RTTN: variants seen among roughly 807,000 people sequenced by gnomAD.
RTTN encodes rotatin.
RTTN carries 182 observed loss-of-function variants against 269.2 expected under a neutral mutation model. The observed-to-expected ratio is 0.68, with a 90% CI of 0.60 to 0.76. The LOEUF (loss-of-function observed/expected upper bound fraction) is 0.76, where lower values mean the gene tolerates loss of function less well. Among genes scored for constraint, RTTN ranks in the 30% least tolerant of loss-of-function variants. RTTN has a pLI of 0.00. For synonymous variants in RTTN, 1,006 were observed against 963.5 expected, an observed-to-expected ratio of 1.04 and a Z score of -0.82; for missense variants, 2,545 against 2,608.6, an observed-to-expected ratio of 0.98 and a Z score of 0.53.
At position 70,076,284 on chromosome 18, in the gene RTTN, G is replaced by T. The variant is rs367577839; in HGVS notation, c.4375-743C>A. Among the ~76,000 whole-genome samples, 3 of 152,028 alleles carry T rather than the reference G, an allele frequency of 2.0e-5. 1 individual carries two copies. The highest frequency in any genetic ancestry group is 6.6e-5 in the Admixed American group (1 of 15,234). ...TAAATATTTCTATTTTCTGGGAAAT[G>T]ATAATAAAGTTAAGATTTCAAAACA... On this transcript the variant is annotated intron_variant, in intron 32 of 48. Coordinates refer to ENST00000640769, the MANE Select transcript of RTTN (RefSeq NM_173630.4).
At chr18:70,056,010 C>T (rs184250970) in intron 37 of RTTN, among the ~76,000 whole-genome samples, 63 of 152,322 alleles carry the variant, frequency 4.1e-4, no homozygotes, top group Non-Finnish European at 8.4e-4. Flanking sequence ...CCCTTTCTGA[C>T]ACACCCTTTT....
rs764989439 is a variant in RTTN at position 70,205,149 on chromosome 18, G to A, written c.198C>T (p.Asn66=). ...CTACCTTAACCAATCTGCTTAACAG[G>A]TTCAGAACCTCTTCCTTCATCGGAA... ...PSVPMKEEVL[N]LLSRLVKYPP... The change falls in exon 2 of 49, where the codon AAC becomes AAT. Residue 66 remains asparagine (N), a synonymous_variant. Coordinates refer to ENST00000640769, the MANE Select transcript of RTTN (RefSeq NM_173630.4). The A allele has an allele frequency of 2.3e-5, 37 of 1,614,046 alleles. No homozygotes were observed. The highest frequency in any genetic ancestry group is 5.1e-6 in the Non-Finnish European group (6 of 1,180,038).
At chr18:70,176,205 ATAT>A (rs1302849123) in intron 11 of RTTN, among the ~76,000 whole-genome samples, 1,346 of 17,830 alleles carry the variant, frequency 0.075, 5 homozygotes, top group Middle Eastern at 0.14. Flanking sequence ...ATGTAGATGT[ATAT>A]GTATATGTAT....
At chr18:70,023,708 A>T (rs540703823) in intron 44 of RTTN, among the ~76,000 whole-genome samples, 1 of 152,098 alleles carries the variant, frequency 6.6e-6, no homozygotes, top group East Asian at 1.9e-4. Flanking sequence ...CCACCATTAT[A>T]TCTCCATGAC....
chr18:70,109,768 T>C (rs1425511690), intron 27 of RTTN, 51 bp from the exon 28 acceptor site: 1 of 1,422,344 alleles, frequency 7.0e-7, no homozygotes, highest in South Asian at 1.2e-5. Context: ...ATAATGGGCT[T>C]AATGGGCTAT....
intron 28 of RTTN, among the ~76,000 whole-genome samples, chr18:70,102,550 T>C (rs938435828): frequency 2.0e-5 from 3 of 152,210 alleles, no homozygotes; most frequent in African/African-American, 4.8e-5. Context: ...ATCTTTTAAT[T>C]GGAGCATTTA....
chr18:70,041,720 C>A (rs1164222677), intron 40 of RTTN, among the ~76,000 whole-genome samples: 1 of 152,138 alleles, frequency 6.6e-6, no homozygotes, highest in Non-Finnish European at 1.5e-5. Flanking sequence ...TCTGAACTGG[C>A]AGAGACAGGA....
intron 10 of RTTN, among the ~76,000 whole-genome samples, chr18:70,187,628 A>G (rs2061577030): frequency 6.6e-6 from 1 of 152,192 alleles, no homozygotes; most frequent in Admixed American, 6.5e-5. Flanking sequence ...CTGCCAGGAA[A>G]TCTTGAACTT....
intron 8 of RTTN, among the ~76,000 whole-genome samples, chr18:70,192,724 A>G (rs1404677130): frequency 1.3e-5 from 2 of 150,554 alleles, no homozygotes; most frequent in Non-Finnish European, 2.9e-5. Flanking sequence ...CAAATACCAT[A>G]AATTGTTCAC....
intron 42 of RTTN, 32 bp downstream of exon 42, chr18:70,029,980 T>C (rs774922618): frequency 1.4e-6 from 2 of 1,473,144 alleles, no homozygotes; most frequent in South Asian, 1.1e-5. Flanking sequence ...ATGGTCTCTA[T>C]ATATAGCCAT....
At chr18:70,064,982 TAAG>T (rs971317545) in intron 35 of RTTN, among the ~76,000 whole-genome samples, 1 of 152,236 alleles carries the variant, frequency 6.6e-6, no homozygotes, top group African/African-American at 2.4e-5. Context: ...CTTTTGTTCT[TAAG>T]AAGATCAAAT....
intron 9 of RTTN, 116 bp downstream of exon 9, chr18:70,190,422 G>C (rs2146091307): frequency 3.3e-6 from 2 of 610,294 alleles, no homozygotes; most frequent in East Asian, 5.7e-5. Flanking sequence ...TATCCCAAAA[G>C]ATAAGTAAAT....
intron 28 of RTTN, among the ~76,000 whole-genome samples, chr18:70,103,773 A>AG (rs1599562531): frequency 6.6e-6 from 1 of 150,982 alleles, no homozygotes; most frequent in East Asian, 1.9e-4. Context: ...AAAAAAAAAA[A>AG]AAAAAGCAAA....
Position 70,150,009 on chromosome 18 carries a change from A to G in RTTN, c.2134T>C (p.Phe712Leu). 6.2e-7 allele frequency: 1 copy of G among 1,613,166 alleles called. No individual in the cohort carries two copies. Among genetic ancestry groups the G allele is most frequent in the Non-Finnish European group, 8.5e-7 (1 of 1,179,266 alleles). ...LMMTALTWNKFIESLCPVIPI... is the reference protein window; with the variant it reads ...LMMTALTWNKLIESLCPVIPI... ...ATGACAGGACAGAGAGATTCAATAAACTTGTTCCAGGTCAATGCTGTCATC... is the reference window on the plus strand; with the variant it reads ...ATGACAGGACAGAGAGATTCAATAAGCTTGTTCCAGGTCAATGCTGTCATC... The change falls in exon 16 of 49, where the codon TTT becomes CTT. Residue 712 changes from phenylalanine to leucine, a missense_variant. By Grantham distance (22) the Phe-to-Leu change is conservative. Coordinates refer to ENST00000640769, the MANE Select transcript of RTTN (RefSeq NM_173630.4).
chr18:70,104,174 G>A (rs28783424), intron 28 of RTTN, among the ~76,000 whole-genome samples: 2,953 of 152,218 alleles, frequency 0.019, 82 homozygotes, highest in African/African-American at 0.067. Context: ...TTTCTTGGAG[G>A]CTTTGTTTGT....
chr18:70,120,841 C>T (rs191813275), intron 26 of RTTN, among the ~76,000 whole-genome samples: 1,563 of 151,966 alleles, frequency 0.01, 10 homozygotes, highest in Non-Finnish European at 0.018. Context: ...ACCTGAGGTC[C>T]GGAGTTCAAG....
At chr18:70,043,121 G>T (rs1458147352) in intron 40 of RTTN, among the ~76,000 whole-genome samples, 3 of 152,232 alleles carry the variant, frequency 2.0e-5, no homozygotes, top group East Asian at 3.9e-4. Context: ...ATTGGGAAGA[G>T]ATTTCTTCCA....
At chr18:70,203,474 G>A (rs898916320) in intron 3 of RTTN, among the ~76,000 whole-genome samples, 2 of 152,174 alleles carry the variant, frequency 1.3e-5, no homozygotes, top group African/African-American at 2.4e-5. Context: ...GATTACAGGC[G>A]TGAGCCACCA....
intron 14 of RTTN, among the ~76,000 whole-genome samples, chr18:70,158,094 A>C (rs1281270242): frequency 6.6e-6 from 1 of 152,190 alleles, no homozygotes; most frequent in Non-Finnish European, 1.5e-5. Flanking sequence ...CAGGAAACTC[A>C]GAGAACCCCA....
Sources: allele counts gnomAD v4.1 joint callset (sites outside exome capture counted in the v4.1 genomes callset), GRCh38; gene constraint gnomAD v4.1.1; transcripts MANE v1.5; gene names NCBI Gene and HGNC (gene_info 2026-07-23, HGNC 2026-07-21).